SLIT3: variants seen among roughly 807,000 people sequenced by gnomAD.
SLIT3 encodes slit homolog 3 protein.
Under a neutral mutation model 184.0 loss-of-function variants are expected in SLIT3, and 68 were observed. The ratio of observed to expected loss-of-function variants is 0.37; its 90% confidence interval spans 0.30 to 0.45. The LOEUF (loss-of-function observed/expected upper bound fraction) is 0.45, where lower values mean the gene tolerates loss of function less well. SLIT3 is among the 20% of genes least tolerant of loss of function. SLIT3 has a pLI of 1.00. For missense variants in SLIT3, 1,707 were observed against 2,026.0 expected (o/e 0.84, Z 3.02); for synonymous variants, 831 against 828.6 (o/e 1.00, Z -0.05).
chr5:169,116,580 C>T (rs868123691), intron 4 of SLIT3, among the ~76,000 whole-genome samples: 9 of 152,130 alleles, frequency 5.9e-5, no homozygotes, highest in South Asian at 2.1e-4. Context: ...CAGAACATGG[C>T]GGCTGACTGG....
intron 1 of SLIT3, among the ~76,000 whole-genome samples, chr5:169,297,293 T>C (rs1392056391): frequency 6.6e-6 from 1 of 152,220 alleles, no homozygotes; most frequent in Non-Finnish European, 1.5e-5. Flanking sequence ...TCTGACATTA[T>C]AGGGAAGATC....
chr5:169,194,807 C>A (rs1396421010), intron 3 of SLIT3, among the ~76,000 whole-genome samples: 1 of 152,226 alleles, frequency 6.6e-6, no homozygotes, highest in East Asian at 1.9e-4. Flanking sequence ...TGCTAAACAC[C>A]CACAGAAAGG....
At chr5:168,672,592 C>T (rs891777150) in intron 33 of SLIT3, among the ~76,000 whole-genome samples, 10 of 152,150 alleles carry the variant, frequency 6.6e-5, no homozygotes, top group African/African-American at 2.2e-4. Flanking sequence ...CCCCCTGCCT[C>T]ACCCTCCAAA....
chr5:168,684,859 T>TA lies in SLIT3; in HGVS notation c.3556-764dup, dbSNP rs903193211. The stretch of plus-strand genomic sequence containing the variant: ...CTATGCTAAGAGTCATCTGGGGAAT[T>TA]AAAAAAAAAATTCCAGTGTCTAGAC... On this transcript the variant is annotated intron_variant, in intron 31 of 35. Coordinates refer to ENST00000519560, the MANE Select transcript of SLIT3 (RefSeq NM_003062.4). Among the ~76,000 whole-genome samples the TA allele has an allele frequency of 4.6e-5, 7 of 150,878 alleles. No homozygotes were observed. The South Asian group carries it at 6.3e-4, about 13-fold the overall frequency.
intron 4 of SLIT3, among the ~76,000 whole-genome samples, chr5:169,192,681 C>T (rs1763596295): frequency 6.6e-6 from 1 of 152,192 alleles, no homozygotes; most frequent in South Asian, 2.1e-4. Context: ...TGCTACCTGA[C>T]TGCAAAGCCA....
At chr5:168,826,329 C>T (rs1757703029) in intron 6 of SLIT3, among the ~76,000 whole-genome samples, 1 of 152,208 alleles carries the variant, frequency 6.6e-6, no homozygotes, top group South Asian at 2.1e-4. Flanking sequence ...TTGGTAACCT[C>T]TCAGACGCTG....
intron 24 of SLIT3, 118 bp from the exon 25 acceptor site, chr5:168,711,176 G>T: frequency 1.1e-6 from 1 of 875,980 alleles, no homozygotes; most frequent in Non-Finnish European, 1.7e-6. Context: ...ATCCAATATG[G>T]GGCCAGCGGA....
At chr5:169,077,947 G>A (rs1758812334) in intron 4 of SLIT3, among the ~76,000 whole-genome samples, 1 of 151,850 alleles carries the variant, frequency 6.6e-6, no homozygotes, top group African/African-American at 2.4e-5. Flanking sequence ...CACACAGCCA[G>A]TTTGTTGCCT....
intron 3 of SLIT3, among the ~76,000 whole-genome samples, chr5:169,203,750 T>C (rs1221445547): frequency 6.6e-6 from 1 of 151,962 alleles, no homozygotes. Context: ...GATTTGCTGA[T>C]GGATTGGAGG....
chr5:168,811,173 G>A (rs1347672105), intron 8 of SLIT3, among the ~76,000 whole-genome samples: 1 of 152,118 alleles, frequency 6.6e-6, no homozygotes, highest in African/African-American at 2.4e-5. Flanking sequence ...GAGAGAGGAG[G>A]GGACTTGCCC....
intron 16 of SLIT3, among the ~76,000 whole-genome samples, chr5:168,758,391 C>T (rs180709374): frequency 2.0e-5 from 3 of 152,338 alleles, no homozygotes; most frequent in East Asian, 3.9e-4. Flanking sequence ...GACAAATATG[C>T]GCTTGGCCAG....
intron 3 of SLIT3, among the ~76,000 whole-genome samples, chr5:169,234,573 T>G (rs749548895): frequency 6.6e-6 from 1 of 152,136 alleles, no homozygotes; most frequent in Non-Finnish European, 1.5e-5. Flanking sequence ...CTGGCTAATT[T>G]TTTTTTTATT....
chr5:168,798,152 A>G (rs1010448088), intron 9 of SLIT3, among the ~76,000 whole-genome samples: 5 of 151,156 alleles, frequency 3.3e-5, no homozygotes, highest in African/African-American at 1.2e-4. Flanking sequence ...CCTGGCAGAG[A>G]TCTTGCTCTG....
In SLIT3 at chr5:168,774,088, C is replaced by T. The variant is rs562121658; in HGVS notation, c.1295+147G>A. Reference sequence around the variant, plus strand: ...AAGTGCTTGGTACTGATAAGCTATTCCGATTTTTATTATTCTAGCTTCCCT... The same window carrying T: ...AAGTGCTTGGTACTGATAAGCTATTTCGATTTTTATTATTCTAGCTTCCCT... On this transcript the variant is annotated intron_variant, in intron 13 of 35. Coordinates refer to ENST00000519560, the MANE Select transcript of SLIT3 (RefSeq NM_003062.4). The T allele has an allele frequency of 2.1e-5, 16 of 772,212 alleles. No homozygotes were observed. In the South Asian group the frequency reaches 2.9e-4, roughly 14 times the overall value. 47.8% of individuals were successfully genotyped at this position (772,212 alleles called of 1,614,324 possible). A position where few individuals can be genotyped will look rare whatever the true frequency, so the allele number is the denominator to read the frequency against.
At chr5:169,055,612 C>T (rs770228379) in intron 4 of SLIT3, among the ~76,000 whole-genome samples, 45 of 152,062 alleles carry the variant, frequency 3.0e-4, no homozygotes, top group Admixed American at 5.2e-4. Flanking sequence ...GAGGCCAAGG[C>T]GGGTGGATCA....
intron 1 of SLIT3, among the ~76,000 whole-genome samples, chr5:169,284,003 C>T (rs1002529593): frequency 3.3e-5 from 5 of 152,236 alleles, no homozygotes; most frequent in Admixed American, 2.0e-4. Flanking sequence ...AGTGAACCCC[C>T]GTGACCTGGC....
intron 3 of SLIT3, among the ~76,000 whole-genome samples, chr5:169,224,207 T>A (rs76294285): frequency 0.019 from 2,942 of 152,106 alleles, 102 homozygotes; most frequent in African/African-American, 0.067. Flanking sequence ...ACGGTAAGAA[T>A]TAAAACAAGA....
At chr5:168,949,238 CAGTA>C (rs1469819784) in intron 4 of SLIT3, among the ~76,000 whole-genome samples, 1 of 152,218 alleles carries the variant, frequency 6.6e-6, no homozygotes, top group Non-Finnish European at 1.5e-5. Flanking sequence ...GCTTCCCTTC[CAGTA>C]AGTGTCACTG....
intron 18 of SLIT3, among the ~76,000 whole-genome samples, chr5:168,751,539 T>C (rs1754711499): frequency 6.6e-6 from 1 of 152,004 alleles, no homozygotes; most frequent in African/African-American, 2.4e-5. Flanking sequence ...TTTCCCAAGG[T>C]CACACAGCTA....
Sources: allele counts gnomAD v4.1 joint callset (sites outside exome capture counted in the v4.1 genomes callset), GRCh38; gene constraint gnomAD v4.1.1; transcripts MANE v1.5; gene names NCBI Gene and HGNC (gene_info 2026-07-23, HGNC 2026-07-21).